STK3: variants seen among roughly 807,000 people sequenced by gnomAD.
STK3 encodes the protein serine/threonine kinase 3.
In STK3, 41 loss-of-function variants were observed where a neutral mutation model predicts 58.0. The observed-to-expected ratio is 0.71, with a 90% CI of 0.55 to 0.92. STK3 has a LOEUF of 0.92. Among genes scored for constraint, STK3 ranks in the 40% least tolerant of loss-of-function variants. STK3 has a pLI of 0.00. For synonymous variants in STK3, 170 were observed against 191.0 expected, an observed-to-expected ratio of 0.89 and a Z score of 0.91; for missense variants, 479 against 602.7, an observed-to-expected ratio of 0.79 and a Z score of 2.15.
chr8:98,737,438 G>A (rs1431235064), intron 4 of STK3, among the ~76,000 whole-genome samples: 4 of 152,120 alleles, frequency 2.6e-5, no homozygotes, highest in African/African-American at 9.7e-5. Context: ...AATACAAAAT[G>A]TCACACAGGA....
At chr8:98,585,382 G>A (rs1814439390) in intron 7 of STK3, among the ~76,000 whole-genome samples, 1 of 151,282 alleles carries the variant, frequency 6.6e-6, no homozygotes, top group African/African-American at 2.4e-5. Context: ...TTTTTCTCAG[G>A]TTTGTCAAAG....
At chr8:98,684,389 A>G (rs878905959) in intron 6 of STK3, among the ~76,000 whole-genome samples, 15 of 152,158 alleles carry the variant, frequency 9.9e-5, no homozygotes, top group Middle Eastern at 3.2e-3. Context: ...AATGTCCTAC[A>G]ACAAAATCAG....
intron 10 of STK3, among the ~76,000 whole-genome samples, chr8:98,480,140 TA>T (rs1821731414): frequency 6.6e-6 from 1 of 152,116 alleles, no homozygotes. Context: ...AACATCAGCA[TA>T]AATTATAGCT....
At chr8:98,401,208 G>A (rs1270659247), downstream of STK3, among the ~76,000 whole-genome samples, 2 of 152,082 alleles carry the variant, frequency 1.3e-5, no homozygotes, top group African/African-American at 4.8e-5. Context: ...ATCGCAAGAA[G>A]CCCCAGGTGC....
chr8:98,540,471 G>A (rs556208869), intron 9 of STK3, among the ~76,000 whole-genome samples: 52 of 152,106 alleles, frequency 3.4e-4, no homozygotes, highest in South Asian at 1.0e-3. Context: ...TAGGATCCTC[G>A]TTCTATCCTA....
At chr8:98,584,939 T>C (rs1305413579) in intron 7 of STK3, among the ~76,000 whole-genome samples, 2 of 151,108 alleles carry the variant, frequency 1.3e-5, no homozygotes, top group African/African-American at 4.8e-5. Flanking sequence ...CACTTTTTGA[T>C]GGGGTTGTTT....
At chr8:98,412,326 T>G (rs995427391) in intron 3 of STK3, among the ~76,000 whole-genome samples, 1 of 152,180 alleles carries the variant, frequency 6.6e-6, no homozygotes, top group Non-Finnish European at 1.5e-5. Flanking sequence ...CAGTCTCCAT[T>G]GTTCAGGCCT....
chr8:98,394,123 C>T (rs1009688427), intron 3 of STK3, among the ~76,000 whole-genome samples: 2 of 152,026 alleles, frequency 1.3e-5, no homozygotes, highest in Admixed American at 6.6e-5. Context: ...TCTCAGAACT[C>T]TCAAGTAGTG....
At chr8:98,413,819 C>T (rs1818084824) in intron 3 of STK3, 2 of 597,860 alleles carry the variant, frequency 3.3e-6, no homozygotes, top group Non-Finnish European at 6.4e-6. Context: ...GGTTCACCCA[C>T]AAACCCCTCC....
At chr8:98,460,855 A>G (rs997683334) in intron 10 of STK3, among the ~76,000 whole-genome samples, 1 of 152,216 alleles carries the variant, frequency 6.6e-6, no homozygotes, top group African/African-American at 2.4e-5. Context: ...CCAGGCACGC[A>G]GAACTATGAA....
intron 7 of STK3, among the ~76,000 whole-genome samples, chr8:98,588,869 C>G (rs530187907): frequency 6.6e-6 from 1 of 151,576 alleles, no homozygotes; most frequent in Admixed American, 6.6e-5. Context: ...TGCTGATACC[C>G]TTTCTTCCAG....
intron 1 of STK3, among the ~76,000 whole-genome samples, chr8:98,923,125 G>T (rs1449527649): frequency 6.6e-6 from 1 of 152,122 alleles, no homozygotes; most frequent in Non-Finnish European, 1.5e-5. Flanking sequence ...AAATGGAAAG[G>T]TTTTAAATAT....
intron 6 of STK3, among the ~76,000 whole-genome samples, chr8:98,701,578 T>G (rs1825619115): frequency 6.6e-6 from 1 of 151,428 alleles, no homozygotes; most frequent in Admixed American, 6.6e-5. Flanking sequence ...AAGCCAAGAC[T>G]GCCACCGTAC....
At chr8:98,533,108 T>C (rs940193524) in intron 9 of STK3, among the ~76,000 whole-genome samples, 3 of 152,218 alleles carry the variant, frequency 2.0e-5, no homozygotes, top group African/African-American at 7.2e-5. Context: ...TGTCTGTCAA[T>C]GAACACTTGG....
chr8:98,402,749 C>T (rs1007081278), intron 3 of STK3, among the ~76,000 whole-genome samples: 1 of 152,208 alleles, frequency 6.6e-6, no homozygotes, highest in African/African-American at 2.4e-5. Flanking sequence ...GTTCCCTCAG[C>T]CCTAGAAGAG....
chr8:98,667,702 G>A (rs1412799073), intron 6 of STK3, among the ~76,000 whole-genome samples: 1 of 152,026 alleles, frequency 6.6e-6, no homozygotes, highest in African/African-American at 2.4e-5. Context: ...AGCCTATGCT[G>A]TTTTAAAAAT....
intron 10 of STK3, among the ~76,000 whole-genome samples, chr8:98,524,413 G>A (rs112236334): frequency 1.2e-3 from 183 of 152,300 alleles, no homozygotes; most frequent in African/African-American, 4.2e-3. Flanking sequence ...TTTTGACAGA[G>A]ATGACAATGA....
intron 8 of STK3, among the ~76,000 whole-genome samples, chr8:98,556,934 C>T (rs571198329): frequency 1.2e-3 from 184 of 152,118 alleles, no homozygotes; most frequent in Middle Eastern, 3.4e-3. Context: ...AGAGATCAAA[C>T]TGAATCTAAA....
At chr8:98,721,430 T>G (rs1393068302) in intron 4 of STK3, among the ~76,000 whole-genome samples, 1 of 152,068 alleles carries the variant, frequency 6.6e-6, no homozygotes, top group Non-Finnish European at 1.5e-5. Context: ...CCCAGCAGAC[T>G]GAGGTGGGAG....
Sources: allele counts gnomAD v4.1 joint callset (sites outside exome capture counted in the v4.1 genomes callset), GRCh38; gene constraint gnomAD v4.1.1; transcripts MANE v1.5; gene names NCBI Gene and HGNC (gene_info 2026-07-23, HGNC 2026-07-21).